Variants in SLC39A12 observed in about 807,000 individuals in gnomAD.
SLC39A12 encodes the protein zinc transporter ZIP12.
SLC39A12 carries 63 observed loss-of-function variants against 71.1 expected under a neutral mutation model. That is an observed-to-expected ratio of 0.89 (90% CI 0.72 to 1.09). The LOEUF (loss-of-function observed/expected upper bound fraction) is 1.09, where lower values mean the gene tolerates loss of function less well. SLC39A12 is among the 50% of genes least tolerant of loss of function. The pLI is 0.00. For missense variants in SLC39A12, 892 were observed against 812.6 expected (o/e 1.10, Z -1.19); for synonymous variants, 351 against 301.3 (o/e 1.16, Z -1.71).
Position 17,991,237 on chromosome 10 carries a change from T to C in SLC39A12, c.1356T>C (p.Ile452=), listed in dbSNP as rs2130825649. The C allele has an allele frequency of 6.2e-7, 1 of 1,600,964 alleles. No homozygotes were observed. Among genetic ancestry groups the C allele is most frequent in the South Asian group, 1.1e-5 (1 of 87,012 alleles). The stretch of plus-strand genomic sequence containing the variant: ...ATATTTGGAAACTGATGGGATTAAT[T>C]GGAGGCATCCATGGATTTTTCTTGA... ...KGHIWKLMGL[I]GGIHGFFLIE... The change falls in exon 8 of 13, where the codon ATT becomes ATC. Residue 452 remains isoleucine (I), a synonymous_variant. Transcript: ENST00000377369.
intron 10 of SLC39A12, among the ~76,000 whole-genome samples, chr10:17,996,317 A>C (rs1416482455): frequency 6.6e-6 from 1 of 151,986 alleles, no homozygotes; most frequent in Non-Finnish European, 1.5e-5. Context: ...ACCTGTGCTT[A>C]TGTTTCTGAA....
At chr10:18,010,115 A>T (rs907977694) in intron 12 of SLC39A12, among the ~76,000 whole-genome samples, 1 of 152,172 alleles carries the variant, frequency 6.6e-6, no homozygotes, top group South Asian at 2.1e-4. Context: ...CTTGTGATTT[A>T]CTGAGTTTGA....
chr10:18,042,171 T>C (rs1339828362), intron 12 of SLC39A12, among the ~76,000 whole-genome samples: 1 of 151,984 alleles, frequency 6.6e-6, no homozygotes, highest in Non-Finnish European at 1.5e-5. Flanking sequence ...TTGGTAACTA[T>C]GTCATTTTAA....
chr10:17,989,979 G>C (rs745375272), intron 7 of SLC39A12, among the ~76,000 whole-genome samples: 3 of 152,138 alleles, frequency 2.0e-5, no homozygotes, highest in Non-Finnish European at 4.4e-5. Flanking sequence ...CAAGTGTGGT[G>C]GTGTGCTAGA....
At chr10:18,027,454 A>G (rs1217052612) in intron 12 of SLC39A12, among the ~76,000 whole-genome samples, 1 of 152,236 alleles carries the variant, frequency 6.6e-6, no homozygotes, top group East Asian at 1.9e-4. Flanking sequence ...GAAGTATGAG[A>G]AGATTTTTCT....
intron 3 of SLC39A12, 36 bp from the exon 4 acceptor site, chr10:17,965,447 G>C (rs1350906323): frequency 1.9e-6 from 3 of 1,583,736 alleles, no homozygotes; most frequent in Non-Finnish European, 2.6e-6. Flanking sequence ...AACTTCAGAT[G>C]TTACAATTTT....
At position 17,991,225 on chromosome 10, in the gene SLC39A12, G is replaced by A. The variant is rs774485074; in HGVS notation, c.1344G>A (p.Leu448=). ...FHESKGHIWK[L]MGLIGGIHGF... The stretch of plus-strand genomic sequence containing the variant: ...AAAGCAAAGGTCATATTTGGAAACT[G>A]ATGGGATTAATTGGAGGCATCCATG... The change falls in exon 8 of 13, where the codon CTG becomes CTA. Residue 448 remains leucine, a synonymous_variant. Transcript: ENST00000377369. The A allele has an allele frequency of 1.3e-6, 2 of 1,599,392 alleles. No individual in the cohort carries two copies. The highest frequency in any genetic ancestry group is 2.3e-5 in the South Asian group (2 of 87,150).
intron 5 of SLC39A12, among the ~76,000 whole-genome samples, chr10:17,978,936 TC>T (rs1835185812): frequency 1.3e-5 from 2 of 152,164 alleles, no homozygotes; most frequent in South Asian, 4.1e-4. Context: ...ATGTACATCC[TC>T]AGACCCCAAC....
At chr10:18,036,784 A>ATTTTTTTTTTTT (rs1277319900) in intron 12 of SLC39A12, among the ~76,000 whole-genome samples, 1 of 7,682 alleles carries the variant, frequency 1.3e-4, no homozygotes, top group Non-Finnish European at 3.0e-4. Flanking sequence ...ATATATATAT[A>ATTTTTTTTTTTT]TATATATATA....
chr10:17,992,108 AAC>A (rs1490309137), intron 8 of SLC39A12, among the ~76,000 whole-genome samples: 179 of 144,896 alleles, frequency 1.2e-3, no homozygotes, highest in African/African-American at 2.3e-3. Context: ...AAAAAAAAAA[AAC>A]AAAAGAAAAA....
At chr10:17,977,194 T>C (rs1241771015) in intron 4 of SLC39A12, among the ~76,000 whole-genome samples, 1 of 152,118 alleles carries the variant, frequency 6.6e-6, no homozygotes, top group African/African-American at 2.4e-5. Flanking sequence ...ATTGATTTTT[T>C]ATTGTCAAAC....
Position 18,004,778 on chromosome 10 carries a change from A to G in SLC39A12, c.1947+1420A>G, listed in dbSNP as rs559761090. On this transcript the variant is annotated intron_variant, in intron 12 of 12. Coordinates refer to ENST00000377369, the MANE Select transcript of SLC39A12 (RefSeq NM_001145195.2). ...AGGAATATGAATCATTCTATTATAA[A>G]GATACATGCAGCACTATACACAATA... 2.0e-5 allele frequency among the ~76,000 whole-genome samples: 3 copies of G among 152,300 alleles called. No homozygotes were observed. The East Asian group carries it at 5.8e-4, about 29-fold the overall frequency.
At chr10:17,984,129 G>T (rs1009993813) in intron 6 of SLC39A12, among the ~76,000 whole-genome samples, 3 of 152,212 alleles carry the variant, frequency 2.0e-5, no homozygotes, top group African/African-American at 7.2e-5. Flanking sequence ...TTTAGAACCT[G>T]TCTGCAAGTT....
chr10:18,035,080 A>G (rs777542246), intron 12 of SLC39A12, among the ~76,000 whole-genome samples: 1,858 of 140,412 alleles, frequency 0.013, 15 homozygotes, highest in Non-Finnish European at 0.02. Context: ...TGCCCTTAAC[A>G]TTTTTTCCTT....
chr10:17,965,781 T>C (rs1297092252), intron 4 of SLC39A12, 91 bp downstream of exon 4: 1 of 1,043,388 alleles, frequency 9.6e-7, no homozygotes, highest in African/African-American at 1.6e-5. Context: ...ATGACTGAAT[T>C]CGTTCAGGTA....
At chr10:17,996,244 A>G (rs1396895672) in intron 10 of SLC39A12, among the ~76,000 whole-genome samples, 1 of 130,438 alleles carries the variant, frequency 7.7e-6, no homozygotes, top group Non-Finnish European at 1.7e-5. Context: ...ACAAAGCTTG[A>G]TGTTTTTTCT....
chr10:18,003,878 ATGTG>A (rs1835912941), intron 12 of SLC39A12, among the ~76,000 whole-genome samples: 1 of 152,212 alleles, frequency 6.6e-6, no homozygotes, highest in Admixed American at 6.5e-5. Context: ...AATTAACCAA[ATGTG>A]TTTTTTAAAT....
chr10:18,008,086 A>G (rs1400957646), intron 12 of SLC39A12, among the ~76,000 whole-genome samples: 6 of 152,206 alleles, frequency 3.9e-5, no homozygotes, highest in African/African-American at 7.2e-5. Flanking sequence ...AGCAAGTGGT[A>G]GTGATAGTTT....
intron 12 of SLC39A12, among the ~76,000 whole-genome samples, chr10:18,037,520 G>T (rs1460186368): frequency 6.6e-6 from 1 of 152,156 alleles, no homozygotes; most frequent in Non-Finnish European, 1.5e-5. Flanking sequence ...TGGGTGAGCT[G>T]TTATCCTCTC....
Sources: gnomAD v4.1 joint callset for allele counts (sites outside exome capture counted in the v4.1 genomes callset) on GRCh38, gnomAD v4.1.1 for gene constraint, MANE v1.5 for transcripts, NCBI Gene and HGNC (gene_info 2026-07-23, HGNC 2026-07-21) for gene names.